SPATA7: variants seen among roughly 807,000 people sequenced by gnomAD.
SPATA7 encodes spermatogenesis-associated protein 7.
In SPATA7, 43 loss-of-function variants were observed where a neutral mutation model predicts 51.8. That is an observed-to-expected ratio of 0.83 (90% CI 0.65 to 1.07). SPATA7 has a LOEUF of 1.07. Ranked by LOEUF, SPATA7 falls within the 50% of genes least tolerant of loss-of-function variation. SPATA7 has a pLI of 0.00. For synonymous variants in SPATA7, 230 were observed against 252.8 expected (o/e 0.91, Z 0.86); for missense variants, 683 against 701.3 (o/e 0.97, Z 0.30).
chr14:88,406,033 T>C (rs2139922253), intron 4 of SPATA7, among the ~76,000 whole-genome samples: 1 of 152,290 alleles, frequency 6.6e-6, no homozygotes. Context: ...CCAAGTTAAG[T>C]GTAATTAATA....
intron 4 of SPATA7, among the ~76,000 whole-genome samples, chr14:88,464,610 A>G (rs73329631): frequency 0.038 from 5,775 of 152,140 alleles, 356 homozygotes; most frequent in African/African-American, 0.13. Flanking sequence ...CACATCTGTA[A>G]TCCCAGCTAC....
chr14:88,393,211 G>A (rs2139872069), intron 2 of SPATA7, among the ~76,000 whole-genome samples, 182 bp from the exon 3 acceptor site: 1 of 152,068 alleles, frequency 6.6e-6, no homozygotes, highest in East Asian at 1.9e-4. Flanking sequence ...GAACCCAAAT[G>A]GTCAATAGCT....
intron 4 of SPATA7, among the ~76,000 whole-genome samples, chr14:88,403,160 C>T (rs1180010585): frequency 1.3e-5 from 2 of 152,004 alleles, no homozygotes; most frequent in South Asian, 2.1e-4. Flanking sequence ...ATCAAAAAGA[C>T]AACATGTAAC....
At chr14:88,446,181 A>G (rs530757690) in intron 3 of SPATA7, among the ~76,000 whole-genome samples, 1 of 152,286 alleles carries the variant, frequency 6.6e-6, no homozygotes, top group East Asian at 1.9e-4. Context: ...TGGTCTATTC[A>G]GAGATTCAAC....
At chr14:88,387,923 A>C (rs951192253) in intron 1 of SPATA7, among the ~76,000 whole-genome samples, 1 of 152,150 alleles carries the variant, frequency 6.6e-6, no homozygotes, top group Non-Finnish European at 1.5e-5. Flanking sequence ...TATATTACTG[A>C]AAGTAACTTG....
intron 4 of SPATA7, among the ~76,000 whole-genome samples, chr14:88,460,819 T>C (rs1448533042): frequency 6.6e-6 from 1 of 152,184 alleles, no homozygotes. Flanking sequence ...TCTGCTCTCT[T>C]TTTTCCCCAT....
chr14:88,470,219 T>C, exon 5 of SPATA7: 1 of 643,406 alleles, frequency 1.6e-6, no homozygotes, highest in Non-Finnish European at 2.6e-6. Context: ...TCTTTTCCCT[T>C]GTGAATACAA....
intron 4 of SPATA7, chr14:88,467,946 G>T: frequency 1.3e-6 from 1 of 756,598 alleles, no homozygotes; most frequent in Non-Finnish European, 2.2e-6. Flanking sequence ...ACCTTTCCCA[G>T]GTTAGAAACC....
downstream of SPATA7, among the ~76,000 whole-genome samples, chr14:88,442,866 A>G (rs139693705): frequency 2.9e-4 from 44 of 151,502 alleles, no homozygotes; most frequent in African/African-American, 9.7e-4. Context: ...ATTGGTACCA[A>G]TTCTTCTTTG....
chr14:88,423,278 C>T (rs1274426720), intron 5 of SPATA7, among the ~76,000 whole-genome samples: 1 of 151,046 alleles, frequency 6.6e-6, no homozygotes, highest in East Asian at 1.9e-4. Context: ...TGGCTCACAC[C>T]TGTGATCCCA....
At chr14:88,398,060 C>T (rs1276703063) in intron 4 of SPATA7, among the ~76,000 whole-genome samples, 15 of 149,520 alleles carry the variant, frequency 1.0e-4, no homozygotes, top group East Asian at 2.0e-4. Context: ...CCAGCCTGGG[C>T]GAGAGAGCAA....
chr14:88,455,450 A>AT (rs533003289), downstream of SPATA7, among the ~76,000 whole-genome samples: 47 of 152,240 alleles, frequency 3.1e-4, no homozygotes, highest in Non-Finnish European at 6.0e-4. Flanking sequence ...AGTAGCTTTA[A>AT]TTGCACTGTA....
chr14:88,385,982 G>C, intron 1 of SPATA7, 145 bp downstream of exon 1: 1 of 1,511,512 alleles, frequency 6.6e-7, no homozygotes, highest in Non-Finnish European at 8.8e-7. Context: ...GCCTGGAGCT[G>C]CCCAGGCCTG....
At chr14:88,457,317 C>T (rs1343310808), downstream of SPATA7, among the ~76,000 whole-genome samples, 1 of 152,066 alleles carries the variant, frequency 6.6e-6, no homozygotes, top group Non-Finnish European at 1.5e-5. Flanking sequence ...ACCTTGGGCA[C>T]TATGGCCATT....
At chr14:88,398,862 C>A (rs2075975511) in intron 4 of SPATA7, among the ~76,000 whole-genome samples, 1 of 151,686 alleles carries the variant, frequency 6.6e-6, no homozygotes, top group Admixed American at 6.6e-5. Context: ...ACTATCCTGG[C>A]TAACACGGTG....
At chr14:88,425,392 C>T (rs963857610) in intron 5 of SPATA7, among the ~76,000 whole-genome samples, 5 of 152,074 alleles carry the variant, frequency 3.3e-5, no homozygotes, top group African/African-American at 9.7e-5. Context: ...TAAATCCTAG[C>T]GATTTTTAAC....
chr14:88,392,582 C>T (rs17124618), intron 2 of SPATA7, among the ~76,000 whole-genome samples: 5,365 of 152,158 alleles, frequency 0.035, 311 homozygotes, highest in African/African-American at 0.12. Context: ...TGCACAGAGT[C>T]TCTGGAAGGA....
chr14:88,420,891 G>A (rs919681648), intron 5 of SPATA7, among the ~76,000 whole-genome samples: 8 of 152,122 alleles, frequency 5.3e-5, no homozygotes, highest in African/African-American at 1.9e-4. Context: ...CAAGGTGGGT[G>A]GATCACCAGG....
intron 7 of SPATA7, chr14:88,429,098 A>G (rs1336665861): frequency 3.6e-6 from 1 of 280,554 alleles, no homozygotes; most frequent in Non-Finnish European, 6.9e-6. Context: ...TTATATGTTT[A>G]TTTGTGGCAA....
Sources: gnomAD v4.1 joint callset for allele counts (sites outside exome capture counted in the v4.1 genomes callset) on GRCh38, gnomAD v4.1.1 for gene constraint, MANE v1.5 for transcripts, NCBI Gene and HGNC (gene_info 2026-07-23, HGNC 2026-07-21) for gene names.